PARN: variants seen among roughly 807,000 people sequenced by gnomAD.
PARN encodes the protein poly(A)-specific ribonuclease PARN.
In PARN, 71 loss-of-function variants were observed where a neutral mutation model predicts 102.8. That is an observed-to-expected ratio of 0.69 (90% CI 0.57 to 0.84). PARN has a LOEUF of 0.84. Ranked by LOEUF, PARN falls within the 40% of genes least tolerant of loss-of-function variation. The pLI is 0.00. For synonymous variants in PARN, 261 were observed against 252.9 expected (o/e 1.03, Z -0.30); for missense variants, 782 against 760.9 (o/e 1.03, Z -0.33).
At chr16:14,591,183 G>T (rs1052024029) in intron 13 of PARN, among the ~76,000 whole-genome samples, 1 of 152,052 alleles carries the variant, frequency 6.6e-6, no homozygotes, top group Non-Finnish European at 1.5e-5. Context: ...GAGGCCAGGA[G>T]ATCGAGACCA....
chr16:14,554,604 T>A (rs1002181121), intron 19 of PARN, among the ~76,000 whole-genome samples: 2 of 151,902 alleles, frequency 1.3e-5, no homozygotes, highest in African/African-American at 4.8e-5. Context: ...CTAATTTTTT[T>A]ATTTTTTAAT....
In PARN at chr16:14,609,096, A is replaced by G; in HGVS notation, c.582T>C (p.Ser194=). Residue 194 remains serine, a synonymous_variant, in exon 8 of 24, where the codon AGT becomes AGC. Transcript: ENST00000437198. The part of the protein sequence containing the change: ...VVEKIEDLLQ[S]EENKNLDLEP... ...CTAAATCCAAGTTCTTGTTTTCTTCACTTTGTAATAAATCCTCTATTTTCT... is the reference window on the plus strand; with the variant it reads ...CTAAATCCAAGTTCTTGTTTTCTTCGCTTTGTAATAAATCCTCTATTTTCT... 2.6e-6 allele frequency: 4 copies of G among 1,561,836 alleles called. No homozygotes were observed. The highest frequency in any genetic ancestry group is 3.5e-6 in the Non-Finnish European group (4 of 1,140,156).
intron 13 of PARN, 108 bp downstream of exon 13, chr16:14,593,193 G>A: frequency 1.6e-6 from 1 of 643,878 alleles, no homozygotes; most frequent in Non-Finnish European, 2.7e-6. Context: ...CTGCATACAA[G>A]GAAATGGCAC....
chr16:14,582,031 G>GGC, intron 17 of PARN, 150 bp downstream of exon 17: 1 of 648,356 alleles, frequency 1.5e-6, no homozygotes, highest in Non-Finnish European at 2.8e-6. Context: ...ACTGGGTCTT[G>GGC]GACTTTCCAG....
intron 17 of PARN, 116 bp from the exon 18 acceptor site, chr16:14,581,059 C>CT (rs34510444): frequency 6.9e-3 from 3,648 of 525,776 alleles, no homozygotes; most frequent in South Asian, 0.012. Flanking sequence ...GAAAGGTATT[C>CT]TTTTTTTTTT....
At chr16:14,504,033 T>C (rs1375150383) in intron 21 of PARN, among the ~76,000 whole-genome samples, 3 of 152,214 alleles carry the variant, frequency 2.0e-5, no homozygotes, top group Non-Finnish European at 2.9e-5. Context: ...CTACTGACTG[T>C]CAGTGAGTGT....
chr16:14,533,074 T>C (rs1477368975), intron 21 of PARN, among the ~76,000 whole-genome samples: 1 of 151,924 alleles, frequency 6.6e-6, no homozygotes, highest in Admixed American at 6.6e-5. Context: ...GTGGAGGTTG[T>C]AGCGAGCCGA....
chr16:14,563,476 T>TTGTGTG (rs56099416), intron 18 of PARN, among the ~76,000 whole-genome samples: 2 of 143,648 alleles, frequency 1.4e-5, no homozygotes, highest in African/African-American at 5.2e-5. Context: ...GAAAATTCCT[T>TTGTGTG]TGTGTGTGTG....
intron 5 of PARN, among the ~76,000 whole-genome samples, chr16:14,622,237 G>A (rs1478183196): frequency 1.3e-5 from 2 of 152,092 alleles, no homozygotes; most frequent in South Asian, 2.1e-4. Context: ...ATATTTGGGA[G>A]GACAATTTGA....
Position 14,615,643 on chromosome 16 carries a change from G to A in PARN, c.388+1947C>T, listed in dbSNP as rs923481329. 4.6e-5 allele frequency among the ~76,000 whole-genome samples: 7 copies of A among 152,132 alleles called. No homozygotes were observed. In the East Asian group the frequency reaches 5.8e-4, roughly 13 times the overall value. ...GGGCCAGGCCCGGTGGCTCATGCCTGTAATCCCAGCACTTTAAGAGGCAAA... is the reference window on the plus strand; with the variant it reads ...GGGCCAGGCCCGGTGGCTCATGCCTATAATCCCAGCACTTTAAGAGGCAAA... On this transcript the variant is annotated intron_variant, in intron 6 of 23. Coordinates refer to ENST00000437198, the MANE Select transcript of PARN (RefSeq NM_002582.4).
At chr16:14,603,698 G>A (rs1443514918) in intron 11 of PARN, among the ~76,000 whole-genome samples, 1 of 152,128 alleles carries the variant, frequency 6.6e-6, no homozygotes, top group Non-Finnish European at 1.5e-5. Flanking sequence ...CCTGCCTCCA[G>A]TCTTACTCAC....
intron 21 of PARN, among the ~76,000 whole-genome samples, chr16:14,498,266 T>A (rs1964422512): frequency 6.6e-6 from 1 of 152,118 alleles, no homozygotes; most frequent in Non-Finnish European, 1.5e-5. Flanking sequence ...CTAGCTCACC[T>A]GCGAGGTGAG....
chr16:14,505,817 T>C (rs1193148715), intron 21 of PARN, among the ~76,000 whole-genome samples: 1 of 152,184 alleles, frequency 6.6e-6, no homozygotes, highest in Non-Finnish European at 1.5e-5. Flanking sequence ...GAACTAAAAT[T>C]TGAATGACAT....
At chr16:14,599,318 C>T (rs1449495797) in intron 12 of PARN, among the ~76,000 whole-genome samples, 1 of 152,202 alleles carries the variant, frequency 6.6e-6, no homozygotes, top group African/African-American at 2.4e-5. Context: ...GCTGGGATTA[C>T]AGACATGAGC....
Position 14,491,989 on chromosome 16 carries a change from G to A in PARN, c.1481-9162C>T, listed in dbSNP as rs893808908. On this transcript the variant is annotated intron_variant, in intron 21 of 23. Transcript: ENST00000437198. ...TGGAGGCCCTGGCTCTGGCTCGAACGGGTAGTTTTGCCTGGGCAGGAAACA... is the reference window on the plus strand; with the variant it reads ...TGGAGGCCCTGGCTCTGGCTCGAACAGGTAGTTTTGCCTGGGCAGGAAACA... Among the ~76,000 whole-genome samples, 4 of 152,306 alleles carry A rather than the reference G, an allele frequency of 2.6e-5. No homozygotes were observed. The South Asian group carries it at 6.2e-4, about 24-fold the overall frequency.
chr16:14,629,596 C>T lies in PARN; in HGVS notation c.97+1G>A. The T allele has an allele frequency of 6.2e-7, 1 of 1,608,432 alleles. No individual in the cohort carries two copies. The highest frequency in any genetic ancestry group is 8.5e-7 in the Non-Finnish European group (1 of 1,174,812). On this transcript the variant is annotated splice_donor_variant, in intron 2 of 23. Coordinates refer to ENST00000437198, the MANE Select transcript of PARN (RefSeq NM_002582.4). LOFTEE classifies it high-confidence loss of function. Reference sequence around the variant, plus strand: ...AGCCTGAGCTTGCAAGGGAGGGATACCTGAAAACTCCCCATCGATGGCGAA... The same window carrying T: ...AGCCTGAGCTTGCAAGGGAGGGATATCTGAAAACTCCCCATCGATGGCGAA...
At chr16:14,609,205 C>A in intron 7 of PARN, 82 bp from the exon 8 acceptor site, 1 of 671,418 alleles carries the variant, frequency 1.5e-6, no homozygotes, top group Non-Finnish European at 2.6e-6. Flanking sequence ...CAACCAAAAA[C>A]AGTCTAACTA....
At chr16:14,467,904 G>A (rs1380690588) in intron 22 of PARN, among the ~76,000 whole-genome samples, 2 of 152,238 alleles carry the variant, frequency 1.3e-5, no homozygotes, top group Admixed American at 1.3e-4. Flanking sequence ...TGTTCCAAGT[G>A]TGGTACAGGA....
chr16:14,524,689 T>C (rs1246793398), intron 21 of PARN, among the ~76,000 whole-genome samples: 1 of 152,204 alleles, frequency 6.6e-6, no homozygotes, highest in African/African-American at 2.4e-5. Flanking sequence ...TTAAAATATC[T>C]CAGAAACAAT....
Sources: allele counts gnomAD v4.1 joint callset (sites outside exome capture counted in the v4.1 genomes callset), GRCh38; gene constraint gnomAD v4.1.1; transcripts MANE v1.5; gene names NCBI Gene and HGNC (gene_info 2026-07-23, HGNC 2026-07-21).